CAST: variants seen among roughly 807,000 people sequenced by gnomAD.
CAST encodes the protein calpastatin.
A neutral mutation model predicts 119.6 loss-of-function variants in CAST; 76 were observed. The observed-to-expected ratio is 0.64, with a 90% CI of 0.53 to 0.77. The LOEUF is 0.77. Ranked by LOEUF, CAST falls within the 30% of genes least tolerant of loss-of-function variation. The pLI, the probability that CAST is intolerant of heterozygous loss-of-function variation, is 0.00. For synonymous variants in CAST, 319 were observed against 331.6 expected, an observed-to-expected ratio of 0.96 and a Z score of 0.41; for missense variants, 953 against 946.5, an observed-to-expected ratio of 1.01 and a Z score of -0.09.
chr5:96,573,751 A>G (rs1051300938), intron 1 of CAST, among the ~76,000 whole-genome samples: 1 of 152,244 alleles, frequency 6.6e-6, no homozygotes, highest in African/African-American at 2.4e-5. Context: ...ACATAAATTT[A>G]AACAGTTCCC....
chr5:96,608,639 C>T (rs959078206), intron 1 of CAST, among the ~76,000 whole-genome samples: 2 of 152,106 alleles, frequency 1.3e-5, no homozygotes, highest in African/African-American at 2.4e-5. Flanking sequence ...AAGGCCATTA[C>T]AGGATATTAG....
the CAST span, among the ~76,000 whole-genome samples, chr5:96,230,044 A>G: frequency 6.6e-6 from 1 of 152,310 alleles, no homozygotes; most frequent in East Asian, 1.9e-4. Flanking sequence ...TTGTGCTCAA[A>G]CATACTACTA....
chr5:96,187,167 T>G, the CAST span, among the ~76,000 whole-genome samples: 1 of 152,174 alleles, frequency 6.6e-6, no homozygotes, highest in Non-Finnish European at 1.5e-5. Context: ...CTAATAGTTG[T>G]TTGTATTTCT....
At chr5:96,462,159 A>G in the CAST span, among the ~76,000 whole-genome samples, 16 of 152,094 alleles carry the variant, frequency 1.1e-4, no homozygotes, top group South Asian at 3.1e-3. Context: ...CATAGTCTTC[A>G]TTTACTTACC....
chr5:96,401,085 T>TAAAA, the CAST span, among the ~76,000 whole-genome samples: 1 of 12,208 alleles, frequency 8.2e-5, no homozygotes, highest in African/African-American at 9.6e-4. Context: ...GGACTCCGTC[T>TAAAA]CAAAAAAAAA....
chr5:96,642,841 G>C (rs147856520), intron 1 of CAST, among the ~76,000 whole-genome samples: 2 of 152,078 alleles, frequency 1.3e-5, no homozygotes, highest in Non-Finnish European at 1.5e-5. Flanking sequence ...GAGCCACCAC[G>C]CCCATCCAAA....
At chr5:96,753,250 C>T (rs1435698279) in intron 20 of CAST, among the ~76,000 whole-genome samples, 1 of 152,162 alleles carries the variant, frequency 6.6e-6, no homozygotes, top group Admixed American at 6.5e-5. Context: ...CCTGCCTTGG[C>T]CTCCCAAAAT....
At chr5:95,992,019 C>G in the CAST span, among the ~76,000 whole-genome samples, 1 of 152,128 alleles carries the variant, frequency 6.6e-6, no homozygotes, top group Admixed American at 6.5e-5. Context: ...TTTTCAGTAA[C>G]AGATGAATTA....
At chr5:96,398,755 T>A in the CAST span, 1 of 843,906 alleles carries the variant, frequency 1.2e-6, no homozygotes, top group South Asian at 1.4e-5. Context: ...AATAAGCATG[T>A]TTTTTAAGAC....
At chr5:96,063,259 G>A in the CAST span, among the ~76,000 whole-genome samples, 10 of 152,126 alleles carry the variant, frequency 6.6e-5, no homozygotes, top group Non-Finnish European at 7.4e-5. Flanking sequence ...TAGCTGAAGG[G>A]ACCCATTCAC....
the CAST span, among the ~76,000 whole-genome samples, chr5:96,275,417 G>C: frequency 6.6e-6 from 1 of 152,200 alleles, no homozygotes; most frequent in Non-Finnish European, 1.5e-5. Context: ...TCAATGTTCA[G>C]GTCCAACAGA....
At chr5:96,077,059 T>A in the CAST span, among the ~76,000 whole-genome samples, 1 of 151,860 alleles carries the variant, frequency 6.6e-6, no homozygotes, top group African/African-American at 2.4e-5. Context: ...AACAATTGCT[T>A]CTTTAAATGA....
chr5:96,269,242 G>A, the CAST span, among the ~76,000 whole-genome samples: 6 of 151,980 alleles, frequency 3.9e-5, no homozygotes, highest in Non-Finnish European at 5.9e-5. Context: ...AACGTGAAAG[G>A]GGACAATTCA....
chr5:96,604,471 G>T (rs899387686), intron 1 of CAST, among the ~76,000 whole-genome samples: 7 of 152,228 alleles, frequency 4.6e-5, no homozygotes, highest in Non-Finnish European at 8.8e-5. Flanking sequence ...TATTTCAGGA[G>T]AAAGTAATTC....
chr5:96,105,498 G>A, the CAST span, among the ~76,000 whole-genome samples: 14 of 152,042 alleles, frequency 9.2e-5, no homozygotes, highest in Non-Finnish European at 1.6e-4. Context: ...ATAATCATGC[G>A]GTTTTTGTCT....
At chr5:96,594,942 C>T (rs1747029538) in intron 1 of CAST, among the ~76,000 whole-genome samples, 2 of 152,136 alleles carry the variant, frequency 1.3e-5, no homozygotes, top group Non-Finnish European at 2.9e-5. Flanking sequence ...AAGGAAGCAG[C>T]TCTTTTTCCA....
upstream of CAST, among the ~76,000 whole-genome samples, chr5:96,522,476 G>A (rs1200265443): frequency 2.0e-5 from 3 of 152,242 alleles, no homozygotes; most frequent in East Asian, 5.8e-4. Flanking sequence ...GGACGCTGTA[G>A]CCTATGTCAA....
chr5:96,619,295 TGCATC>T (rs57600123), intron 1 of CAST, among the ~76,000 whole-genome samples: 101,853 of 150,928 alleles, frequency 0.67, 34,417 homozygotes, highest in South Asian at 0.72. Context: ...GGATTGTAAA[TGCATC>T]GCATCAATCA....
At chr5:96,656,614 A>T (rs906098553) in intron 1 of CAST, among the ~76,000 whole-genome samples, 2 of 152,024 alleles carry the variant, frequency 1.3e-5, no homozygotes, top group African/African-American at 4.8e-5. Context: ...TCTTCATCTT[A>T]ATTTCATTAC....
Sources: gnomAD v4.1 joint callset for allele counts (sites outside exome capture counted in the v4.1 genomes callset) on GRCh38, gnomAD v4.1.1 for gene constraint, MANE v1.5 for transcripts, NCBI Gene and HGNC (gene_info 2026-07-23, HGNC 2026-07-21) for gene names.